The following TMTC1 variants were observed in gnomAD, a reference collection of about 807,000 sequenced individuals.
TMTC1 encodes transmembrane O-mannosyltransferase targeting cadherins 1.
TMTC1 carries 73 observed loss-of-function variants against 104.8 expected under a neutral mutation model. That is an observed-to-expected ratio of 0.70 (90% CI 0.58 to 0.85). The LOEUF is 0.85. Among genes scored for constraint, TMTC1 ranks in the 40% least tolerant of loss-of-function variants. The probability of loss-of-function intolerance (pLI) is 0.00; values close to 1 mark genes in which losing one functional copy is unlikely to be tolerated. For synonymous variants in TMTC1, 434 were observed against 428.7 expected (o/e 1.01, Z -0.15); for missense variants, 1,035 against 1,096.1 (o/e 0.94, Z 0.79).
In TMTC1 at chr12:29,501,327, AT is replaced by A. The variant is rs1437056894; in HGVS notation, c.*5518del. ...TTTAAAAAAGGGGCAACATTTATGA[AT>A]TATCTCATCAGATGCATGGTGTTTT... On this transcript the variant is annotated 3_prime_UTR_variant, in exon 18 of 18. Coordinates refer to ENST00000539277, the MANE Select transcript of TMTC1 (RefSeq NM_001193451.2). 6.6e-6 allele frequency: 1 copy of A among 152,222 alleles called. No individual in the cohort carries two copies. The highest frequency in any genetic ancestry group is 1.5e-5 in the Non-Finnish European group (1 of 68,038). The allele number at this position is 152,222 out of a possible 1,614,324, so 9.4% of individuals were successfully genotyped here. A position where few individuals can be genotyped will look rare whatever the true frequency, so the allele number is the denominator to read the frequency against.
In TMTC1 at chr12:29,684,019, AT is replaced by A. The variant is rs1391973439; in HGVS notation, c.939-50684del. ...CCACCATGCCCAGCTAATGTTTTAT[AT>A]TTTCATAGAGACAGGGTTTCGCCAT... On this transcript the variant is annotated intron_variant, in intron 5 of 17. Coordinates refer to ENST00000539277, the MANE Select transcript of TMTC1 (RefSeq NM_001193451.2). Among the ~76,000 whole-genome samples, 6 of 152,000 alleles carry A rather than the reference AT, an allele frequency of 3.9e-5. No individual in the cohort carries two copies. In the East Asian group the frequency reaches 1.2e-3, roughly 30 times the overall value.
chr12:29,539,048 G>A (rs181554425), intron 10 of TMTC1, among the ~76,000 whole-genome samples: 2 of 152,252 alleles, frequency 1.3e-5, no homozygotes, highest in African/African-American at 2.4e-5. Context: ...ATTTGTTATT[G>A]TTTCTAAAAG....
At chr12:29,627,103 A>AAAAAAAT (rs890068741) in intron 6 of TMTC1, among the ~76,000 whole-genome samples, 1 of 152,156 alleles carries the variant, frequency 6.6e-6, no homozygotes, top group Admixed American at 6.5e-5. Flanking sequence ...CTCCATCTCA[A>AAAAAAAT]AAAAAATAAA....
intron 1 of TMTC1, among the ~76,000 whole-genome samples, chr12:29,770,190 C>A (rs2120535592): frequency 6.6e-6 from 1 of 152,054 alleles, no homozygotes. Context: ...ATTATTCAAC[C>A]ATTCAAAAAC....
At chr12:29,712,136 C>T (rs1425239280) in intron 5 of TMTC1, among the ~76,000 whole-genome samples, 2 of 151,980 alleles carry the variant, frequency 1.3e-5, no homozygotes, top group Non-Finnish European at 2.9e-5. Context: ...CAACTACATC[C>T]GATGTGGAAG....
At chr12:29,665,820 C>T (rs535745034) in intron 5 of TMTC1, among the ~76,000 whole-genome samples, 11 of 152,290 alleles carry the variant, frequency 7.2e-5, no homozygotes, top group South Asian at 2.1e-4. Context: ...CATCCTCCAC[C>T]GTCTCCCAGG....
At chr12:29,547,338 A>G (rs1565661409) in intron 10 of TMTC1, among the ~76,000 whole-genome samples, 1 of 152,286 alleles carries the variant, frequency 6.6e-6, no homozygotes, top group East Asian at 1.9e-4. Context: ...TGCAAAGCAC[A>G]TGATGGATTT....
chr12:29,735,953 C>T (rs562046103), intron 5 of TMTC1, among the ~76,000 whole-genome samples: 2 of 152,156 alleles, frequency 1.3e-5, no homozygotes, highest in African/African-American at 2.4e-5. Context: ...AGAGTCTCCT[C>T]GGGTCTATTA....
intron 5 of TMTC1, among the ~76,000 whole-genome samples, chr12:29,667,911 T>TA (rs555595106): frequency 1.8e-3 from 267 of 152,306 alleles, no homozygotes; most frequent in Middle Eastern, 6.8e-3. Flanking sequence ...TGTGAGTCCA[T>TA]ACTTGTCCCT....
intron 5 of TMTC1, among the ~76,000 whole-genome samples, chr12:29,676,789 G>A (rs574778047): frequency 1.3e-4 from 20 of 152,244 alleles, no homozygotes; most frequent in Non-Finnish European, 2.1e-4. Context: ...TGATGCCCTC[G>A]TGCAGCCAAA....
Position 29,633,290 on chromosome 12 carries a change from G to A in TMTC1, c.985C>T (p.Leu329Phe). The A allele has an allele frequency of 6.2e-7, 1 of 1,613,692 alleles. No homozygotes were observed. Among genetic ancestry groups the A allele is most frequent in the Non-Finnish European group, 8.5e-7 (1 of 1,179,798 alleles). The change falls in exon 6 of 18, where the codon CTT becomes TTT. Residue 329 changes from leucine (L) to phenylalanine (F), a missense_variant. Physicochemically the swap from Leu to Phe is conservative, Grantham distance 22. Coordinates refer to ENST00000539277, the MANE Select transcript of TMTC1 (RefSeq NM_001193451.2). ...YLLAFNVWLL[L>F]APVTLCYDWQ... ...TCATAGCACAGGGTCACGGGTGCAA[G>A]CAGAAGCCACACATTGAAGGCCAAG...
chr12:29,595,372 T>C (rs1946380260), intron 7 of TMTC1, among the ~76,000 whole-genome samples: 1 of 152,240 alleles, frequency 6.6e-6, no homozygotes, highest in Admixed American at 6.5e-5. Context: ...CACTTCATTC[T>C]AGCCATTGCT....
intron 9 of TMTC1, among the ~76,000 whole-genome samples, chr12:29,565,675 C>G (rs181544258): frequency 6.6e-6 from 1 of 152,008 alleles, no homozygotes; most frequent in African/African-American, 2.4e-5. Context: ...GGTGAAACCC[C>G]GCCTCTACTA....
chr12:29,570,865 C>CA (rs1351248605), intron 9 of TMTC1, among the ~76,000 whole-genome samples: 9 of 72,804 alleles, frequency 1.2e-4, no homozygotes, highest in South Asian at 6.7e-4. Context: ...CAAAACAAAA[C>CA]AAAAAAAACA....
At chr12:29,699,106 G>A (rs548610980) in intron 5 of TMTC1, among the ~76,000 whole-genome samples, 1 of 152,268 alleles carries the variant, frequency 6.6e-6, no homozygotes, top group South Asian at 2.1e-4. Flanking sequence ...ATGCCTTATC[G>A]TGTTCCAAGG....
At chr12:29,507,116 A>T (rs1943714855) in intron 17 of TMTC1, 130 bp from the exon 18 acceptor site, 1 of 751,582 alleles carries the variant, frequency 1.3e-6, no homozygotes, top group African/African-American at 1.7e-5. Context: ...CTCTGTCTGT[A>T]TGTGTAATTT....
intron 14 of TMTC1, 53 bp from the exon 15 acceptor site, chr12:29,516,539 TA>T: frequency 1.3e-6 from 2 of 1,555,204 alleles, no homozygotes; most frequent in Non-Finnish European, 1.7e-6. Flanking sequence ...CCTTATCAAA[TA>T]AAGCATCCCT....
chr12:29,764,157 C>G (rs970626094), intron 2 of TMTC1, among the ~76,000 whole-genome samples: 1 of 152,138 alleles, frequency 6.6e-6, no homozygotes, highest in African/African-American at 2.4e-5. Context: ...TATTCAAACA[C>G]TGGAAGGAGA....
chr12:29,676,561 G>A (rs1940731590), intron 5 of TMTC1, among the ~76,000 whole-genome samples: 1 of 152,186 alleles, frequency 6.6e-6, no homozygotes, highest in Non-Finnish European at 1.5e-5. Flanking sequence ...CCTGATGCCT[G>A]CATTCCTGCC....
Sources: gnomAD v4.1 joint callset for allele counts (sites outside exome capture counted in the v4.1 genomes callset) on GRCh38, gnomAD v4.1.1 for gene constraint, MANE v1.5 for transcripts, NCBI Gene and HGNC (gene_info 2026-07-23, HGNC 2026-07-21) for gene names.